The following DNER variants were observed in gnomAD, a reference collection of about 807,000 sequenced individuals.
DNER encodes delta and Notch-like epidermal growth factor-related receptor.
Under a neutral mutation model 78.2 loss-of-function variants are expected in DNER, and 33 were observed. That is an observed-to-expected ratio of 0.42 (90% CI 0.32 to 0.56). The LOEUF is 0.56. Ranked by LOEUF, DNER falls within the 20% of genes least tolerant of loss-of-function variation. DNER has a pLI of 0.11. For missense variants in DNER, 918 were observed against 975.3 expected (o/e 0.94, Z 0.78); for synonymous variants, 417 against 384.8 (o/e 1.08, Z -0.98).
chr2:229,535,882 G>A (rs562762193), intron 5 of DNER, among the ~76,000 whole-genome samples: 23 of 152,300 alleles, frequency 1.5e-4, no homozygotes, highest in Non-Finnish European at 2.9e-4. Flanking sequence ...GACCTCAGGT[G>A]ATCCATCCGC....
chr2:229,607,547 A>C (rs1019022405), intron 1 of DNER, among the ~76,000 whole-genome samples: 1 of 152,206 alleles, frequency 6.6e-6, no homozygotes, highest in African/African-American at 2.4e-5. Context: ...CACAAATGAG[A>C]GATGAAAGGA....
intron 4 of DNER, among the ~76,000 whole-genome samples, chr2:229,584,689 G>C (rs1697466139): frequency 6.6e-6 from 1 of 152,112 alleles, no homozygotes; most frequent in African/African-American, 2.4e-5. Flanking sequence ...CCAGCATTTT[G>C]GGAGGCCGAG....
chr2:229,654,819 T>TTGAGCACATTAATGATATGCTCATTAA (rs1344640065), intron 1 of DNER, among the ~76,000 whole-genome samples: 19 of 152,334 alleles, frequency 1.2e-4, no homozygotes, highest in South Asian at 1.2e-3. Flanking sequence ...TACACTTTTA[T>TTGAGCACATTAATGATATGCTCATTAA]TGAGCACATT....
At chr2:229,713,021 G>A (rs1336399635) in intron 1 of DNER, among the ~76,000 whole-genome samples, 1 of 152,164 alleles carries the variant, frequency 6.6e-6, no homozygotes. Flanking sequence ...CCCATTGAAA[G>A]AACCTATTTG....
intron 5 of DNER, among the ~76,000 whole-genome samples, chr2:229,543,912 C>T (rs1696567396): frequency 6.6e-6 from 1 of 152,132 alleles, no homozygotes; most frequent in Non-Finnish European, 1.5e-5. Flanking sequence ...GCCCCTTTTG[C>T]TTCTCTATAA....
At chr2:229,473,743 A>C (rs1188686534) in intron 7 of DNER, among the ~76,000 whole-genome samples, 2 of 152,214 alleles carry the variant, frequency 1.3e-5, no homozygotes, top group Non-Finnish European at 1.5e-5. Flanking sequence ...GAAGCAGGGC[A>C]GACAGAATCA....
At chr2:229,547,670 T>TA (rs1696653186) in intron 4 of DNER, among the ~76,000 whole-genome samples, 1 of 152,222 alleles carries the variant, frequency 6.6e-6, no homozygotes, top group Admixed American at 6.5e-5. Flanking sequence ...ATATGCATCT[T>TA]ACTTGATCAC....
chr2:229,484,745 A>G (rs1695235220), intron 6 of DNER, among the ~76,000 whole-genome samples: 1 of 152,180 alleles, frequency 6.6e-6, no homozygotes, highest in Non-Finnish European at 1.5e-5. Context: ...TCCTACAACA[A>G]AGAATTATCC....
chr2:229,441,888 A>G (rs2106359845), intron 8 of DNER, among the ~76,000 whole-genome samples: 1 of 152,340 alleles, frequency 6.6e-6, no homozygotes, highest in South Asian at 2.1e-4. Flanking sequence ...TGTAAGTGCC[A>G]AGCAAGCTCC....
At chr2:229,402,153 T>A (rs1169793179) in intron 10 of DNER, among the ~76,000 whole-genome samples, 1 of 151,760 alleles carries the variant, frequency 6.6e-6, no homozygotes, top group African/African-American at 2.4e-5. Flanking sequence ...AGAAAAAAAA[T>A]TGATAAATTA....
intron 1 of DNER, among the ~76,000 whole-genome samples, chr2:229,703,249 G>A (rs1699778166): frequency 1.3e-5 from 2 of 152,042 alleles, no homozygotes. Flanking sequence ...ACACATGCTT[G>A]GTCAAATGAT....
At chr2:229,363,996 TTTTTTTTTTTTTTTTTTC>T (rs1383518362) in intron 12 of DNER, among the ~76,000 whole-genome samples, 2 of 130,038 alleles carry the variant, frequency 1.5e-5, no homozygotes, top group Non-Finnish European at 3.2e-5. Context: ...TTTTTTTTTT[TTTTTTTTTTTTTTTTTTC>T]TGAGACAGAG....
At chr2:229,596,106 T>C (rs1392660534) in intron 1 of DNER, among the ~76,000 whole-genome samples, 1 of 152,236 alleles carries the variant, frequency 6.6e-6, no homozygotes, top group African/African-American at 2.4e-5. Context: ...GTTTTCCGTT[T>C]AATTTACTTG....
intron 6 of DNER, among the ~76,000 whole-genome samples, chr2:229,502,068 G>A (rs1169654337): frequency 1.3e-5 from 2 of 152,186 alleles, no homozygotes; most frequent in Non-Finnish European, 2.9e-5. Flanking sequence ...GGAAGCCCCT[G>A]TGTTTGGGTT....
intron 1 of DNER, among the ~76,000 whole-genome samples, chr2:229,626,179 A>G (rs1365806838): frequency 6.6e-6 from 1 of 152,162 alleles, no homozygotes. Flanking sequence ...TCGGCCTCCC[A>G]AAGTGCTGGG....
chr2:229,485,904 T>C (rs181837564), intron 6 of DNER, among the ~76,000 whole-genome samples: 19 of 152,280 alleles, frequency 1.2e-4, no homozygotes, highest in African/African-American at 4.6e-4. Flanking sequence ...AAGGCTCCCA[T>C]GGTGGCAATT....
intron 1 of DNER, among the ~76,000 whole-genome samples, chr2:229,613,669 AT>A (rs78857051): frequency 0.015 from 2,192 of 149,288 alleles, 86 homozygotes; most frequent in East Asian, 0.13. Context: ...TTTCCTGGGT[AT>A]TTTTTTTTTC....
chr2:229,590,751 T>A (rs1048614828), intron 2 of DNER, among the ~76,000 whole-genome samples: 2 of 152,212 alleles, frequency 1.3e-5, no homozygotes, highest in African/African-American at 4.8e-5. Flanking sequence ...GACTTCCTTG[T>A]CTCCAAGGCT....
intron 11 of DNER, among the ~76,000 whole-genome samples, chr2:229,373,120 G>C (rs1692523687): frequency 6.6e-6 from 1 of 152,074 alleles, no homozygotes; most frequent in Admixed American, 6.5e-5. Flanking sequence ...TTAAACTAAA[G>C]AGCACAGCAA....
Sources: allele counts gnomAD v4.1 joint callset (sites outside exome capture counted in the v4.1 genomes callset), GRCh38; gene constraint gnomAD v4.1.1; transcripts MANE v1.5; gene names NCBI Gene and HGNC (gene_info 2026-07-23, HGNC 2026-07-21).